GSDME: variants seen among roughly 807,000 people sequenced by gnomAD.
GSDME encodes gasdermin-E.
A neutral mutation model predicts 47.5 loss-of-function variants in GSDME; 44 were observed. The observed-to-expected ratio is 0.93, with a 90% CI of 0.73 to 1.19. GSDME has a LOEUF of 1.19. Ranked by LOEUF, GSDME falls within the 50% of genes most tolerant of loss-of-function variation. The probability of loss-of-function intolerance (pLI) is 0.00; values close to 1 mark genes in which losing one functional copy is unlikely to be tolerated. For missense variants in GSDME, 663 were observed against 604.2 expected (o/e 1.10, Z -1.02); for synonymous variants, 258 against 252.8 (o/e 1.02, Z -0.20).
At chr7:24,700,672 T>G (rs911501232) in intron 9 of GSDME, among the ~76,000 whole-genome samples, 5 of 152,162 alleles carry the variant, frequency 3.3e-5, no homozygotes, top group Non-Finnish European at 5.9e-5. Context: ...ATTCGCCAAA[T>G]ACAACTCACA....
Position 24,724,303 on chromosome 7 carries a change from T to C in GSDME, c.405-5085A>G, listed in dbSNP as rs1789895358. 6.6e-6 allele frequency among the ~76,000 whole-genome samples: 1 copy of C among 152,084 alleles called. No individual in the cohort carries two copies. The highest frequency in any genetic ancestry group is 1.5e-5 in the Non-Finnish European group (1 of 68,018). On this transcript the variant is annotated intron_variant, in intron 3 of 9. Transcript: ENST00000645220. This position sits in a 1 kb window ranked among gnomAD's most constrained non-coding sequence, Gnocchi z 4.8. ...CCACCCAGCTGGGGGATAAAATGAATGGTTTATCACATAAACCCGGGCAGG... is the reference window on the plus strand; with the variant it reads ...CCACCCAGCTGGGGGATAAAATGAACGGTTTATCACATAAACCCGGGCAGG...
At chr7:24,753,800 C>CT (rs1790931556) in intron 1 of GSDME, among the ~76,000 whole-genome samples, 1 of 152,118 alleles carries the variant, frequency 6.6e-6, no homozygotes, top group Middle Eastern at 3.2e-3. Context: ...TCTATTCTTG[C>CT]TTTTTTTGGC....
In GSDME at chr7:24,710,209, C is replaced by A; in HGVS notation, c.862+15G>T. 3 of 1,612,934 alleles carry A rather than the reference C, an allele frequency of 1.9e-6. No individual in the cohort carries two copies. Among genetic ancestry groups the A allele is most frequent in the Non-Finnish European group, 2.5e-6 (3 of 1,179,982 alleles). ...GGCCCTCAACTGCCCACTACTCCTGCCCTGCTGGCAATACCTTGCTTTAAA... is the reference window on the plus strand; with the variant it reads ...GGCCCTCAACTGCCCACTACTCCTGACCTGCTGGCAATACCTTGCTTTAAA... On this transcript the variant is annotated intron_variant, in intron 6 of 9. Coordinates refer to ENST00000645220, the MANE Select transcript of GSDME (RefSeq NM_001127453.2).
At chr7:24,715,555 C>G (rs2128052191) in intron 5 of GSDME, 1 of 466,568 alleles carries the variant, frequency 2.1e-6, no homozygotes, top group African/African-American at 2.0e-5. Context: ...ACAGGACCAC[C>G]AAGGCAGACA....
chr7:24,763,618 A>G, the GSDME span, among the ~76,000 whole-genome samples: 3 of 152,212 alleles, frequency 2.0e-5, no homozygotes, highest in Non-Finnish European at 4.4e-5. This position sits in a 1 kb window ranked among gnomAD's most constrained non-coding sequence, Gnocchi z 4.3. Flanking sequence ...TTATTTCTGG[A>G]AATTTCCATT....
At chr7:24,771,740 G>T in the GSDME span, among the ~76,000 whole-genome samples, 1 of 152,162 alleles carries the variant, frequency 6.6e-6, no homozygotes, top group African/African-American at 2.4e-5. The surrounding 1 kb of genome is among the most constrained non-coding windows in gnomAD (Gnocchi z 4.1). Context: ...GATGTGAAAA[G>T]GTCCCAGATG....
rs1788732048 is a variant in GSDME at position 24,698,623 on chromosome 7, A to G, written c.*403T>C. On this transcript the variant is annotated 3_prime_UTR_variant, in exon 10 of 10. Coordinates refer to ENST00000645220, the MANE Select transcript of GSDME (RefSeq NM_001127453.2). ...AAACGTAGCCTCTTGTGTGCAGAGA[A>G]ATTGCCTTCCCACAGCATTCACAAT... is the stretch of plus-strand genomic sequence containing the variant. The G allele has an allele frequency of 3.4e-6, 1 of 293,452 alleles. No homozygotes were observed. The highest frequency in any genetic ancestry group is 2.2e-5 in the African/African-American group (1 of 45,578). The allele number at this position is 293,452 out of a possible 1,614,324, so 18.2% of individuals were successfully genotyped here. A position where few individuals can be genotyped will look rare whatever the true frequency, so the allele number is the denominator to read the frequency against.
chr7:24,735,627 G>A lies in GSDME; in HGVS notation c.404+8935C>T, dbSNP rs1013217852. The stretch of plus-strand genomic sequence containing the variant: ...CAAAAAAGTAGCCGGGCGTGGTGGT[G>A]GGCGCCTGTAATCCCAACTACTCAG... On this transcript the variant is annotated intron_variant, in intron 3 of 9. Transcript: ENST00000645220. This position sits in a 1 kb window ranked among gnomAD's most constrained non-coding sequence, Gnocchi z 4.4. Among the ~76,000 whole-genome samples the A allele has an allele frequency of 6.6e-6, 1 of 151,894 alleles. No homozygotes were observed. Among genetic ancestry groups the A allele is most frequent in the East Asian group, 1.9e-4 (1 of 5,188 alleles).
intron 3 of GSDME, among the ~76,000 whole-genome samples, chr7:24,729,773 G>A (rs1166468004): frequency 6.6e-6 from 1 of 152,214 alleles, no homozygotes; most frequent in African/African-American, 2.4e-5. Context: ...TGAAAGCATG[G>A]CTCTGTTGCA....
chr7:24,698,752 T>C lies in GSDME; in HGVS notation c.*274A>G, dbSNP rs893879215. ...TTATTGTGCAGAAAAAACGTCTGAA[T>C]GTATGCTAAGAATTCTCCGCCCTCC... On this transcript the variant is annotated 3_prime_UTR_variant, in exon 10 of 10. Coordinates refer to ENST00000645220, the MANE Select transcript of GSDME (RefSeq NM_001127453.2). 3.1e-5 allele frequency: 15 copies of C among 480,068 alleles called. No individual in the cohort carries two copies. The highest frequency in any genetic ancestry group is 1.4e-4 in the African/African-American group (7 of 51,206). 29.7% of individuals were successfully genotyped at this position (480,068 alleles called of 1,614,324 possible). A position where few individuals can be genotyped will look rare whatever the true frequency, so the allele number is the denominator to read the frequency against.
intron 7 of GSDME, among the ~76,000 whole-genome samples, chr7:24,706,590 G>A (rs1487208515): frequency 6.6e-6 from 1 of 152,230 alleles, no homozygotes; most frequent in African/African-American, 2.4e-5. Flanking sequence ...CGAGGGTTGG[G>A]GGCGTACTTG....
chr7:24,729,066 G>A (rs2128057450), intron 3 of GSDME, among the ~76,000 whole-genome samples: 1 of 152,194 alleles, frequency 6.6e-6, no homozygotes, highest in East Asian at 1.9e-4. Flanking sequence ...GACGACCCCT[G>A]GAAAGAGAAA....
rs944019323 is a variant in GSDME at position 24,706,310 on chromosome 7, G to A, written c.1057C>T (p.Gln353Ter). 3.7e-6 allele frequency: 6 copies of A among 1,613,746 alleles called. No individual in the cohort carries two copies. The highest frequency in any genetic ancestry group is 4.2e-6 in the Non-Finnish European group (5 of 1,180,008). ...TGCAGGAAGGCCACAAGGTCCTGCT[G>A]CTGCCGGGGCTTCAGCTCCCCCAGC... The part of the protein sequence containing the change: ...AVLGELKPRQ[Q>*]QDLVAFLQLV... The change falls in exon 8 of 10, where the codon CAG becomes TAG. Residue 353 changes from glutamine (Q) to a stop codon, truncating the protein, a stop_gained. Transcript: ENST00000645220. LOFTEE classifies it high-confidence loss of function.
the GSDME span, among the ~76,000 whole-genome samples, chr7:24,793,860 T>A: frequency 6.6e-6 from 1 of 152,270 alleles, no homozygotes; most frequent in South Asian, 2.1e-4. Flanking sequence ...TTAAAAGTTA[T>A]TTTTCTACTT....
chr7:24,706,416 A>C, intron 7 of GSDME, 40 bp from the exon 8 acceptor site: 1 of 1,592,838 alleles, frequency 6.3e-7, no homozygotes, highest in Non-Finnish European at 8.6e-7. Context: ...ACACAGCTGG[A>C]GACCAAGCGC....
At chr7:24,701,567 C>T (rs1788871625) in intron 9 of GSDME, among the ~76,000 whole-genome samples, 1 of 152,164 alleles carries the variant, frequency 6.6e-6, no homozygotes, top group African/African-American at 2.4e-5. Flanking sequence ...GAAGGACTAA[C>T]TTAGTAAATG....
chr7:24,703,664 CAG>C (rs1562685294), intron 8 of GSDME: 1 of 153,126 alleles, frequency 6.5e-6, no homozygotes, highest in Non-Finnish European at 1.5e-5. Context: ...TTTGTAAAGA[CAG>C]TGTGTTGTTG....
chr7:24,718,793 G>T (rs1299756669), intron 4 of GSDME, among the ~76,000 whole-genome samples: 1 of 140,658 alleles, frequency 7.1e-6, no homozygotes, highest in Non-Finnish European at 1.5e-5. Context: ...CATCTGAGAG[G>T]GCATCAACCC....
chr7:24,722,454 A>C (rs1021525749), intron 3 of GSDME, among the ~76,000 whole-genome samples: 9 of 152,178 alleles, frequency 5.9e-5, no homozygotes, highest in Admixed American at 5.9e-4. Flanking sequence ...TCCCTTTCCA[A>C]TGGTCTCTTC....
Sources: allele counts gnomAD v4.1 joint callset (sites outside exome capture counted in the v4.1 genomes callset), GRCh38; gene constraint gnomAD v4.1.1; non-coding constraint Gnocchi (gnomAD v3.1); transcripts MANE v1.5; gene names NCBI Gene and HGNC (gene_info 2026-07-23, HGNC 2026-07-21).